IL18R1: variants seen among roughly 807,000 people sequenced by gnomAD.
IL18R1 encodes the protein interleukin 18 receptor 1.
A neutral mutation model predicts 48.5 loss-of-function variants in IL18R1; 40 were observed. The ratio of observed to expected loss-of-function variants is 0.82; its 90% CI spans 0.64 to 1.07. IL18R1 has a LOEUF of 1.07. IL18R1 is among the 50% of genes least tolerant of loss of function. The probability of loss-of-function intolerance (pLI) is 0.00; values close to 1 mark genes in which losing one functional copy is unlikely to be tolerated. For synonymous variants in IL18R1, 232 were observed against 225.9 expected, an observed-to-expected ratio of 1.03 and a Z score of -0.24; for missense variants, 596 against 633.7, an observed-to-expected ratio of 0.94 and a Z score of 0.64.
At chr2:102,363,501 A>T (rs2105033939) in intron 2 of IL18R1, among the ~76,000 whole-genome samples, 1 of 152,334 alleles carries the variant, frequency 6.6e-6, no homozygotes, top group East Asian at 1.9e-4. Context: ...TACCCAGATG[A>T]TAAAAGAATG....
intron 4 of IL18R1, among the ~76,000 whole-genome samples, chr2:102,373,490 A>G (rs1393541911): frequency 1.3e-5 from 2 of 152,142 alleles, no homozygotes; most frequent in Admixed American, 6.5e-5. Context: ...GATGTATAGC[A>G]TTAGGAGAAA....
intron 8 of IL18R1, 36 bp downstream of exon 8, chr2:102,387,036 A>T: frequency 6.2e-7 from 1 of 1,602,120 alleles, no homozygotes; most frequent in South Asian, 1.1e-5. Flanking sequence ...TTTGAAACTT[A>T]GCTCATTGCT....
At chr2:102,370,994 T>C (rs1679217202) in intron 3 of IL18R1, among the ~76,000 whole-genome samples, 1 of 152,136 alleles carries the variant, frequency 6.6e-6, no homozygotes, top group African/African-American at 2.4e-5. Context: ...ATTTTCTCTT[T>C]AAAATCTTCA....
At chr2:102,377,756 C>T (rs1288906082) in intron 5 of IL18R1, among the ~76,000 whole-genome samples, 2 of 152,192 alleles carry the variant, frequency 1.3e-5, no homozygotes, top group Non-Finnish European at 1.5e-5. Flanking sequence ...TTTCTGTCTC[C>T]CTCTGATGAG....
rs11893676 is a variant in IL18R1, at chr2:102,393,038, G to C, written c.1112-1431G>C. Among the ~76,000 whole-genome samples, 450 of 152,232 alleles carry C rather than the reference G, an allele frequency of 3.0e-3. 3 individuals are homozygous for C. Among genetic ancestry groups the C allele is most frequent in the African/African-American group, 0.01 (427 of 41,550 alleles). On this transcript the variant is annotated intron_variant, in intron 9 of 10. Coordinates refer to ENST00000233957, the MANE Select transcript of IL18R1 (RefSeq NM_003855.5). ...CTAATTTTTCATAGGTAAGAGCAAA[G>C]CTATATTGTATGTAATATAAACCCA...
chr2:102,390,507 G>A (rs946957754), intron 9 of IL18R1, among the ~76,000 whole-genome samples: 1 of 152,092 alleles, frequency 6.6e-6, no homozygotes, highest in African/African-American at 2.4e-5. Flanking sequence ...GTATATCTGG[G>A]TGTCTTTGTG....
At position 102,386,870 on chromosome 2, in the gene IL18R1, A is replaced by G. The variant is rs1559631168; in HGVS notation, c.819A>G (p.Glu273=). 1 of 1,614,184 alleles carries G rather than the reference A, an allele frequency of 6.2e-7. No homozygotes were observed. Residue 273 remains glutamate (E), a synonymous_variant, in exon 8 of 11, where the codon GAA becomes GAG. Coordinates refer to ENST00000233957, the MANE Select transcript of IL18R1 (RefSeq NM_003855.5). ...TTTTGCCCTCTTACAGGACTCCAGA[A>G]GGCAAATGGCATGCTTCAAAAGTAT... ...EEKEMRIMTP[E]GKWHASKVLR...
At position 102,394,478 on chromosome 2, in the gene IL18R1, CAT is replaced by C; in HGVS notation, c.1124_1125del (p.Tyr375Ter). On this transcript the variant is annotated frameshift_variant, in exon 10 of 11. Coordinates refer to ENST00000233957, the MANE Select transcript of IL18R1 (RefSeq NM_003855.5). LOFTEE classifies it high-confidence loss of function. The stretch of plus-strand genomic sequence containing the variant: ...CAATCTTACCTCCTAGATGGAAAAA[CAT>C]ATGATGCTTTTGTGTCTTACCTAAA... 6.2e-7 allele frequency: 1 copy of C among 1,609,476 alleles called. No individual in the cohort carries two copies. Among genetic ancestry groups the C allele is most frequent in the Non-Finnish European group, 8.5e-7 (1 of 1,177,410 alleles).
At chr2:102,373,938 T>C (rs1679420520) in intron 4 of IL18R1, 4 of 446,468 alleles carry the variant, frequency 9.0e-6, no homozygotes, top group Non-Finnish European at 1.8e-5. Flanking sequence ...CACCCCCAGA[T>C]AGGACCACCT....
At chr2:102,365,233 C>T (rs893550384) in intron 2 of IL18R1, among the ~76,000 whole-genome samples, 13 of 152,134 alleles carry the variant, frequency 8.5e-5, no homozygotes, top group Non-Finnish European at 1.3e-4. Context: ...TAGTTACTTC[C>T]TAGATACAAT....
At position 102,367,741 on chromosome 2, in the gene IL18R1, C is replaced by T. The variant is rs1019984664; in HGVS notation, c.59-84C>T. On this transcript the variant is annotated intron_variant, in intron 2 of 10. Transcript: ENST00000233957. The stretch of plus-strand genomic sequence containing the variant: ...CTTTCTTGCTAACCTTGCTTCTTCA[C>T]CTAATGCATTAGGAGACCAAAAAAA... The T allele has an allele frequency of 5.1e-6, 6 of 1,171,622 alleles. No homozygotes were observed. In the African/African-American group the frequency reaches 9.3e-5, roughly 18 times the overall value. The allele number at this position is 1,171,622 out of a possible 1,614,324, so 72.6% of individuals were successfully genotyped here.
At chr2:102,367,507 G>C (rs889132963) in intron 2 of IL18R1, among the ~76,000 whole-genome samples, 1 of 152,122 alleles carries the variant, frequency 6.6e-6, no homozygotes, top group African/African-American at 2.4e-5. Context: ...TGAAGAAGTT[G>C]TAATGTGTAA....
intron 8 of IL18R1, among the ~76,000 whole-genome samples, chr2:102,388,227 C>A (rs987435748): frequency 6.6e-6 from 1 of 152,208 alleles, no homozygotes; most frequent in African/African-American, 2.4e-5. Flanking sequence ...GCCTCTCTAC[C>A]ATATGCACTC....
intron 2 of IL18R1, among the ~76,000 whole-genome samples, chr2:102,363,540 T>C (rs1053700875): frequency 6.6e-6 from 1 of 152,190 alleles, no homozygotes; most frequent in African/African-American, 2.4e-5. Context: ...TTATATGTAA[T>C]GATCTGTCAA....
Position 102,376,098 on chromosome 2 carries a change from G to GT in IL18R1, c.625+36dup, listed in dbSNP as rs781544952. Reference sequence around the variant, plus strand: ...ATCTTAGAATTGGGAAGAAACAGACGTATTTTAGTAAAATGGAATTTTTTC... The same window carrying GT: ...ATCTTAGAATTGGGAAGAAACAGACGTTATTTTAGTAAAATGGAATTTTTTC... On this transcript the variant is annotated intron_variant, in intron 5 of 10. Transcript: ENST00000233957. The GT allele has an allele frequency of 4.4e-5, 66 of 1,498,156 alleles. 1 individual carries two copies. The East Asian group carries it at 1.4e-3, about 33-fold the overall frequency. 92.8% of individuals were successfully genotyped at this position (1,498,156 alleles called of 1,614,324 possible).
At chr2:102,378,314 T>C (rs1337031868) in intron 5 of IL18R1, among the ~76,000 whole-genome samples, 5 of 152,176 alleles carry the variant, frequency 3.3e-5, no homozygotes, top group African/African-American at 1.2e-4. Context: ...AGATTCCTCA[T>C]CATGAAATGG....
intron 2 of IL18R1, among the ~76,000 whole-genome samples, chr2:102,365,317 C>T (rs1250939947): frequency 6.6e-6 from 1 of 152,164 alleles, no homozygotes; most frequent in Non-Finnish European, 1.5e-5. Flanking sequence ...GCTACTGGCC[C>T]CATGCAAGTT....
chr2:102,381,340 G>C (rs991309581), intron 5 of IL18R1, among the ~76,000 whole-genome samples: 4 of 152,198 alleles, frequency 2.6e-5, no homozygotes, highest in Non-Finnish European at 2.9e-5. Flanking sequence ...TTTGACTCTT[G>C]CACGTTTGAT....
chr2:102,362,817 T>G (rs1678659799), intron 2 of IL18R1, 99 bp downstream of exon 2: 3 of 667,522 alleles, frequency 4.5e-6, no homozygotes, highest in Non-Finnish European at 2.5e-6. Flanking sequence ...GATGCTGAAT[T>G]TATTCAGAAA....
Sources: gnomAD v4.1 joint callset for allele counts (sites outside exome capture counted in the v4.1 genomes callset) on GRCh38, gnomAD v4.1.1 for gene constraint, MANE v1.5 for transcripts, NCBI Gene and HGNC (gene_info 2026-07-23, HGNC 2026-07-21) for gene names.